EXOC4: variants seen among roughly 807,000 people sequenced by gnomAD.
EXOC4 encodes the protein SEC8-like 1.
A neutral mutation model predicts 107.2 loss-of-function variants in EXOC4; 71 were observed. The ratio of observed to expected loss-of-function variants is 0.66; its 90% confidence interval spans 0.55 to 0.81. The LOEUF (loss-of-function observed/expected upper bound fraction) is 0.81, where lower values mean the gene tolerates loss of function less well. Ranked by LOEUF, EXOC4 falls within the 30% of genes least tolerant of loss-of-function variation. The pLI is 0.00. For missense variants in EXOC4, 1,108 were observed against 1,189.6 expected, an observed-to-expected ratio of 0.93 and a Z score of 1.01; for synonymous variants, 456 against 441.2, an observed-to-expected ratio of 1.03 and a Z score of -0.42.
intron 10 of EXOC4, among the ~76,000 whole-genome samples, chr7:133,769,033 G>T (rs1796193071): frequency 1.3e-5 from 2 of 151,950 alleles, no homozygotes; most frequent in African/African-American, 4.8e-5. Context: ...ACGCTTGGAT[G>T]TCTGATACTT....
intron 11 of EXOC4, among the ~76,000 whole-genome samples, chr7:133,885,086 C>T (rs1799052190): frequency 6.6e-6 from 1 of 152,092 alleles, no homozygotes. Flanking sequence ...GAGGCCGAGA[C>T]AGGCGGATCA....
At chr7:133,482,162 C>A (rs982049582) in intron 9 of EXOC4, among the ~76,000 whole-genome samples, 2 of 152,042 alleles carry the variant, frequency 1.3e-5, no homozygotes, top group African/African-American at 4.8e-5. Context: ...TAGGTTGAGT[C>A]CTAATTATTT....
At chr7:133,594,773 T>G (rs1801628188) in intron 9 of EXOC4, among the ~76,000 whole-genome samples, 1 of 152,122 alleles carries the variant, frequency 6.6e-6, no homozygotes, top group Non-Finnish European at 1.5e-5. Context: ...ATTACAGGCA[T>G]GTACCAGTGC....
At chr7:133,425,596 CTT>C (rs1434343340) in intron 7 of EXOC4, among the ~76,000 whole-genome samples, 1 of 152,134 alleles carries the variant, frequency 6.6e-6, no homozygotes, top group Non-Finnish European at 1.5e-5. Context: ...TCAAGACACT[CTT>C]ATCATTTAAT....
Position 133,295,081 on chromosome 7 carries a change from T to C in EXOC4, c.471+5965T>C, listed in dbSNP as rs1794488245. Among the ~76,000 whole-genome samples the C allele has an allele frequency of 1.3e-5, 2 of 152,158 alleles. 1 individual carries two copies. Among genetic ancestry groups the C allele is most frequent in the African/African-American group, 4.8e-5 (2 of 41,448 alleles). The stretch of plus-strand genomic sequence containing the variant: ...ATTTATAATCGATAAATTTTACTGA[T>C]ATTGTAGGAAATGATATGATGATTG... On this transcript the variant is annotated intron_variant, in intron 3 of 17. Transcript: ENST00000253861.
chr7:133,566,052 G>T (rs1475689759), intron 9 of EXOC4, among the ~76,000 whole-genome samples: 1 of 152,130 alleles, frequency 6.6e-6, no homozygotes, highest in East Asian at 1.9e-4. Context: ...TTAAAATAAG[G>T]AACATGAGTT....
At chr7:133,545,101 C>A (rs1800455497) in intron 9 of EXOC4, among the ~76,000 whole-genome samples, 1 of 151,714 alleles carries the variant, frequency 6.6e-6, no homozygotes, top group South Asian at 2.1e-4. Context: ...TATGTGGTCG[C>A]TATTTCTCTG....
chr7:133,327,465 C>G (rs2718171), intron 5 of EXOC4, among the ~76,000 whole-genome samples: 103,236 of 151,836 alleles, frequency 0.68, 36,917 homozygotes, highest in East Asian at 0.84. Context: ...TTAGTTATTT[C>G]TTGTCTTCTG....
At chr7:133,461,512 T>A (rs1028779804) in intron 7 of EXOC4, among the ~76,000 whole-genome samples, 6 of 152,248 alleles carry the variant, frequency 3.9e-5, no homozygotes, top group African/African-American at 1.4e-4. Context: ...TAAAATCATC[T>A]TTAGTAACTG....
chr7:133,319,764 G>GCTAC (rs926649719), intron 5 of EXOC4, among the ~76,000 whole-genome samples: 8 of 151,408 alleles, frequency 5.3e-5, no homozygotes, highest in African/African-American at 1.7e-4. Context: ...ACAGTCATGA[G>GCTAC]CTACCATGCC....
rs1298131022 is a variant in EXOC4, at chr7:133,821,900, T to G, written c.1734+4356T>G. On this transcript the variant is annotated intron_variant, in intron 11 of 17. Transcript: ENST00000253861. ...GAGTGAATGAAAATGAATGAATGAA[T>G]GATGACTTCCTTAGTACCAGGACAT... Among the ~76,000 whole-genome samples, 3 of 152,234 alleles carry G rather than the reference T, an allele frequency of 2.0e-5. No individual in the cohort carries two copies. The East Asian group carries it at 5.8e-4, about 29-fold the overall frequency.
At chr7:134,099,953 C>T in the EXOC4 span, among the ~76,000 whole-genome samples, 4 of 151,658 alleles carry the variant, frequency 2.6e-5, no homozygotes, top group Admixed American at 6.6e-5. Flanking sequence ...GTGACCCACC[C>T]GCCTCAGCCT....
At chr7:133,764,111 A>G (rs565510494) in intron 10 of EXOC4, among the ~76,000 whole-genome samples, 1 of 152,214 alleles carries the variant, frequency 6.6e-6, no homozygotes, top group South Asian at 2.1e-4. Context: ...GTGAGGAATT[A>G]GCAAGGTGCC....
intron 12 of EXOC4, among the ~76,000 whole-genome samples, chr7:133,897,270 T>A (rs975816420): frequency 2.6e-5 from 4 of 152,050 alleles, no homozygotes; most frequent in African/African-American, 9.7e-5. Context: ...ACAACAACCA[T>A]CTCATTGAGA....
chr7:133,803,768 G>A (rs952158108), intron 10 of EXOC4, among the ~76,000 whole-genome samples: 2 of 152,062 alleles, frequency 1.3e-5, no homozygotes, highest in Non-Finnish European at 2.9e-5. Context: ...CTCTGATTTA[G>A]CCTTACAGGG....
chr7:133,436,175 C>T (rs1477100820), intron 7 of EXOC4, among the ~76,000 whole-genome samples: 1 of 151,524 alleles, frequency 6.6e-6, no homozygotes, highest in African/African-American at 2.4e-5. Flanking sequence ...TGCAAACTAA[C>T]GATATGAACT....
intron 5 of EXOC4, among the ~76,000 whole-genome samples, chr7:133,325,940 T>C (rs981538630): frequency 9.2e-5 from 14 of 152,214 alleles, no homozygotes; most frequent in Non-Finnish European, 1.5e-4. Context: ...TAAACTTCTC[T>C]TCTTGCTTCA....
intron 4 of EXOC4, among the ~76,000 whole-genome samples, chr7:133,307,936 C>T (rs183878477): frequency 3.5e-4 from 53 of 152,242 alleles, no homozygotes; most frequent in Non-Finnish European, 2.5e-4. Context: ...ATACAGTAAG[C>T]GCATAGCTTC....
intron 9 of EXOC4, among the ~76,000 whole-genome samples, chr7:133,591,547 G>GGTGTGTGT (rs199675433): frequency 3.4e-5 from 2 of 59,184 alleles, no homozygotes; most frequent in Admixed American, 2.2e-4. Context: ...TTAAAGATCT[G>GGTGTGTGT]GTGTGTGTGT....
Sources: allele counts gnomAD v4.1 joint callset (sites outside exome capture counted in the v4.1 genomes callset), GRCh38; gene constraint gnomAD v4.1.1; transcripts MANE v1.5; gene names NCBI Gene and HGNC (gene_info 2026-07-23, HGNC 2026-07-21).